Variants in FAT3 observed in about 807,000 individuals in gnomAD.
FAT3 encodes protocadherin Fat 3.
A neutral mutation model predicts 310.2 loss-of-function variants in FAT3; 95 were observed. That is an observed-to-expected ratio of 0.31 (90% CI 0.26 to 0.36). FAT3 has a LOEUF of 0.36. FAT3 is among the 10% of genes least tolerant of loss of function. The probability of loss-of-function intolerance (pLI) is 1.00; values close to 1 mark genes in which losing one functional copy is unlikely to be tolerated. For synonymous variants in FAT3, 2,314 were observed against 2,192.9 expected (o/e 1.06, Z -1.54); for missense variants, 5,408 against 5,715.6 (o/e 0.95, Z 1.74).
chr11:92,355,522 G>A, intron 2 of FAT3, 118 bp downstream of exon 2: 15 of 997,284 alleles, frequency 1.5e-5, no homozygotes, highest in Non-Finnish European at 2.0e-5. Flanking sequence ...TGCATTTGGT[G>A]CAGAGACGAC....
intron 9 of FAT3, among the ~76,000 whole-genome samples, chr11:92,795,852 G>A (rs1350021639): frequency 6.6e-6 from 1 of 152,022 alleles, no homozygotes; most frequent in Non-Finnish European, 1.5e-5. Context: ...AGGTTGCAGT[G>A]AGCCAAGATT....
chr11:92,721,107 G>A (rs923144068), intron 4 of FAT3, among the ~76,000 whole-genome samples: 5 of 152,112 alleles, frequency 3.3e-5, no homozygotes, highest in Admixed American at 1.3e-4. Context: ...CCCTACAACA[G>A]GTGCCCAGTG....
Position 92,457,267 on chromosome 11 carries a change from T to C in FAT3, c.3293-67367T>C, listed in dbSNP as rs557876312. Among the ~76,000 whole-genome samples, 3 of 152,168 alleles carry C rather than the reference T, an allele frequency of 2.0e-5. No homozygotes were observed. In the South Asian group the frequency reaches 6.2e-4, roughly 32 times the overall value. ...CATGAGATGGGGTAGTTAGAAAACC[T>C]CCCTGAAGCAGATGTTTTGGGTAAT... On this transcript the variant is annotated intron_variant, in intron 2 of 27. Coordinates refer to ENST00000525166, the MANE Select transcript of FAT3 (RefSeq NM_001367949.2).
chr11:92,788,905 A>G (rs1235333266), intron 7 of FAT3, among the ~76,000 whole-genome samples: 4 of 152,162 alleles, frequency 2.6e-5, no homozygotes, highest in Non-Finnish European at 5.9e-5. Context: ...TTGAAGGAGA[A>G]CCTATAAATT....
chr11:92,315,475 GTGTGTATATATA>G (rs1191123241), intron 1 of FAT3, among the ~76,000 whole-genome samples: 16 of 76,654 alleles, frequency 2.1e-4, no homozygotes, highest in Non-Finnish European at 3.0e-4. Context: ...GTGTGTGTGT[GTGTGTATATATA>G]TATATATATA....
intron 3 of FAT3, among the ~76,000 whole-genome samples, chr11:92,582,918 G>A (rs1266358228): frequency 6.6e-6 from 1 of 152,036 alleles, no homozygotes; most frequent in Non-Finnish European, 1.5e-5. Flanking sequence ...GTCACTGTAA[G>A]TACTACTGGA....
intron 27 of FAT3, 150 bp downstream of exon 27, chr11:92,890,041 C>T (rs1301760062): frequency 2.9e-6 from 2 of 700,398 alleles, no homozygotes; most frequent in Non-Finnish European, 5.3e-6. Context: ...GAAAGCTCCA[C>T]CAGCATTCCC....
Position 92,527,323 on chromosome 11 carries a change from A to G in FAT3, c.3607+2375A>G, listed in dbSNP as rs555376936. On this transcript the variant is annotated intron_variant, in intron 3 of 27. Coordinates refer to ENST00000525166, the MANE Select transcript of FAT3 (RefSeq NM_001367949.2). ...TAAATGTAGTTTTTAGTGAGTAAAA[A>G]TAGTTGCAAGGAATATAGGAGTCCT... is the stretch of plus-strand genomic sequence containing the variant. 2.3e-4 allele frequency among the ~76,000 whole-genome samples: 35 copies of G among 152,294 alleles called. 1 individual carries two copies. The South Asian group carries it at 7.0e-3, about 31-fold the overall frequency.
chr11:92,836,561 T>C lies in FAT3; in HGVS notation c.10087-5T>C, dbSNP rs773968064. The C allele has an allele frequency of 3.1e-6, 5 of 1,611,274 alleles. No individual in the cohort carries two copies. Among genetic ancestry groups the C allele is most frequent in the African/African-American group, 2.7e-5 (2 of 74,852 alleles). ...TTTTCTTTGTTTTGCTTGTTTTCCATGAAGCTAATAGCAGAAGATGTAGAC... is the reference window on the plus strand; with the variant it reads ...TTTTCTTTGTTTTGCTTGTTTTCCACGAAGCTAATAGCAGAAGATGTAGAC... On this transcript the variant is annotated splice_region_variant and splice_polypyrimidine_tract_variant and intron_variant, in intron 15 of 27. Transcript: ENST00000525166.
At chr11:92,757,441 G>A (rs1016011933) in intron 4 of FAT3, among the ~76,000 whole-genome samples, 1 of 152,140 alleles carries the variant, frequency 6.6e-6, no homozygotes, top group Admixed American at 6.5e-5. Flanking sequence ...TCCTTAATAA[G>A]AAATGATGCA....
At chr11:92,838,883 G>A (rs574160839) in intron 17 of FAT3, among the ~76,000 whole-genome samples, 25 of 152,286 alleles carry the variant, frequency 1.6e-4, no homozygotes, top group African/African-American at 2.9e-4. Flanking sequence ...CTTTGTCAGC[G>A]AAATCTGATT....
At chr11:92,550,770 C>CCTT (rs1445780451) in intron 3 of FAT3, among the ~76,000 whole-genome samples, 1 of 142,112 alleles carries the variant, frequency 7.0e-6, no homozygotes, top group African/African-American at 2.6e-5. Context: ...CCACATTTAT[C>CCTT]TTTTTTTTTT....
At chr11:92,563,603 G>A (rs1955311621) in intron 3 of FAT3, among the ~76,000 whole-genome samples, 1 of 152,112 alleles carries the variant, frequency 6.6e-6, no homozygotes, top group Admixed American at 6.6e-5. Context: ...TCTTGAGACT[G>A]AATTTCTCTC....
At chr11:92,589,450 G>A (rs994734363) in intron 3 of FAT3, among the ~76,000 whole-genome samples, 1 of 152,048 alleles carries the variant, frequency 6.6e-6, no homozygotes, top group Admixed American at 6.6e-5. Context: ...CCATATATAT[G>A]TGTTGAATGA....
intron 22 of FAT3, among the ~76,000 whole-genome samples, chr11:92,878,032 C>T (rs541344507): frequency 6.6e-6 from 1 of 152,136 alleles, no homozygotes; most frequent in Non-Finnish European, 1.5e-5. Flanking sequence ...AAGGCAGAGA[C>T]CATTTGTGTA....
In FAT3 at chr11:92,354,587, T is replaced by C. The variant is rs1246952787; in HGVS notation, c.2475T>C (p.Asn825=). The C allele has an allele frequency of 1.2e-6, 2 of 1,613,856 alleles. No individual in the cohort carries two copies. The highest frequency in any genetic ancestry group is 1.7e-6 in the Non-Finnish European group (2 of 1,179,852). Residue 825 remains asparagine, a synonymous_variant, in exon 2 of 28, where the codon AAT becomes AAC. Coordinates refer to ENST00000525166, the MANE Select transcript of FAT3 (RefSeq NM_001367949.2). ...TGACCATCAATGTGGAGGATGCTAA[T>C]GACAATAGCCCAGTTTTTATTCAAG... ...RLLTINVEDA[N]DNSPVFIQDS...
At chr11:92,518,215 G>A (rs1464841036) in intron 2 of FAT3, among the ~76,000 whole-genome samples, 4 of 152,112 alleles carry the variant, frequency 2.6e-5, no homozygotes, top group East Asian at 1.9e-4. Flanking sequence ...TCATGCACAC[G>A]TATGTTTACT....
intron 2 of FAT3, among the ~76,000 whole-genome samples, chr11:92,487,409 A>G (rs987223821): frequency 2.6e-5 from 4 of 152,222 alleles, no homozygotes; most frequent in African/African-American, 9.6e-5. Context: ...TTTGAATTCT[A>G]TAACTGAGTG....
chr11:92,483,260 C>A (rs757799742), intron 2 of FAT3, among the ~76,000 whole-genome samples: 2 of 152,150 alleles, frequency 1.3e-5, no homozygotes, highest in Non-Finnish European at 2.9e-5. Context: ...CATACCCTGA[C>A]TGCTTTCATA....
Sources: allele counts gnomAD v4.1 joint callset (sites outside exome capture counted in the v4.1 genomes callset), GRCh38; gene constraint gnomAD v4.1.1; transcripts MANE v1.5; gene names NCBI Gene and HGNC (gene_info 2026-07-23, HGNC 2026-07-21).